GLCE: variants seen among roughly 807,000 people sequenced by gnomAD.
The protein encoded by GLCE is glucuronic acid epimerase.
GLCE carries 19 observed loss-of-function variants against 47.9 expected under a neutral mutation model. That is an observed-to-expected ratio of 0.40 (90% CI 0.28 to 0.58). GLCE has a LOEUF of 0.58. Among genes scored for constraint, GLCE ranks in the 20% least tolerant of loss-of-function variants. The pLI, the probability that GLCE is intolerant of heterozygous loss-of-function variation, is 0.48. For synonymous variants in GLCE, 245 were observed against 263.4 expected (o/e 0.93, Z 0.68); for missense variants, 556 against 743.3 (o/e 0.75, Z 2.93).
rs907313474 is a variant in GLCE at position 69,169,588 on chromosome 15, C to G, written c.-105+8831C>G. 8.3e-5 allele frequency among the ~76,000 whole-genome samples: 12 copies of G among 144,352 alleles called. No individual in the cohort carries two copies. In the South Asian group the frequency reaches 2.8e-3, roughly 33 times the overall value. 94.7% of individuals were successfully genotyped at this position (144,352 alleles called of 152,430 possible). On this transcript the variant is annotated intron_variant, in intron 1 of 4. Coordinates refer to ENST00000261858, the MANE Select transcript of GLCE (RefSeq NM_015554.3). Reference sequence around the variant, plus strand: ...GCCCTTGTGTGTGATGTTCCCCTTCCTGTGTCCAAGTGTTCTCATTGTTCA... The same window carrying G: ...GCCCTTGTGTGTGATGTTCCCCTTCGTGTGTCCAAGTGTTCTCATTGTTCA...
intron 2 of GLCE, among the ~76,000 whole-genome samples, chr15:69,212,383 G>A (rs74894195): frequency 0.012 from 1,757 of 151,878 alleles, 27 homozygotes; most frequent in African/African-American, 0.038. Context: ...TCATAGGAAA[G>A]TTTATACTTT....
At chr15:69,199,522 A>G (rs1432621681) in intron 1 of GLCE, among the ~76,000 whole-genome samples, 1 of 152,192 alleles carries the variant, frequency 6.6e-6, no homozygotes, top group African/African-American at 2.4e-5. Flanking sequence ...CATAGTTTAC[A>G]TGTTGAGGTG....
chr15:69,261,735 A>G (rs1434175564), intron 4 of GLCE, among the ~76,000 whole-genome samples: 9 of 152,164 alleles, frequency 5.9e-5, no homozygotes, highest in African/African-American at 2.2e-4. Flanking sequence ...TTTTTTGCCA[A>G]TAGCTTTTAA....
intron 1 of GLCE, among the ~76,000 whole-genome samples, chr15:69,208,956 A>G (rs548474709): frequency 1.5e-4 from 23 of 152,066 alleles, no homozygotes; most frequent in African/African-American, 5.3e-4. Flanking sequence ...ATTGATGTTG[A>G]CCTTTTCTCC....
chr15:69,188,648 C>T (rs571964935), intron 1 of GLCE, among the ~76,000 whole-genome samples: 1 of 152,212 alleles, frequency 6.6e-6, no homozygotes, highest in African/African-American at 2.4e-5. Context: ...ATTTGTCTTT[C>T]ATGGAATTTG....
chr15:69,184,330 C>T (rs958617163), intron 1 of GLCE, among the ~76,000 whole-genome samples: 3 of 152,248 alleles, frequency 2.0e-5, no homozygotes, highest in African/African-American at 7.2e-5. Context: ...TCCTACCTCC[C>T]ACCAAGTCTC....
At chr15:69,243,853 T>C in intron 2 of GLCE, among the ~76,000 whole-genome samples, 1 of 150,572 alleles carries the variant, frequency 6.6e-6, no homozygotes, top group African/African-American at 2.4e-5. Context: ...TCACCCAGGC[T>C]GGTCTCGAAC....
At chr15:69,238,809 C>A (rs558501961) in intron 2 of GLCE, among the ~76,000 whole-genome samples, 2 of 152,162 alleles carry the variant, frequency 1.3e-5, no homozygotes, top group Admixed American at 6.5e-5. Flanking sequence ...CTGAATAAGG[C>A]ATGTTTGAGT....
At chr15:69,216,300 T>G (rs2052306390) in intron 2 of GLCE, among the ~76,000 whole-genome samples, 1 of 152,148 alleles carries the variant, frequency 6.6e-6, no homozygotes, top group African/African-American at 2.4e-5. Flanking sequence ...GAGTATCAAA[T>G]GGACAAAGAA....
chr15:69,182,840 C>T (rs2051769798), intron 1 of GLCE, among the ~76,000 whole-genome samples: 2 of 151,892 alleles, frequency 1.3e-5, no homozygotes, highest in Non-Finnish European at 2.9e-5. Context: ...ATGGTGAAAC[C>T]CCGTCTCTAC....
intron 2 of GLCE, among the ~76,000 whole-genome samples, chr15:69,230,628 C>G (rs2052509395): frequency 6.6e-6 from 1 of 152,176 alleles, no homozygotes; most frequent in Admixed American, 6.5e-5. Context: ...ATTATTCCTG[C>G]TAACCCTGAT....
chr15:69,193,018 G>A (rs1483140391), intron 1 of GLCE, among the ~76,000 whole-genome samples: 1 of 152,048 alleles, frequency 6.6e-6, no homozygotes, highest in Non-Finnish European at 1.5e-5. Flanking sequence ...GATCCAGTAG[G>A]ACTGCTGTGC....
intron 2 of GLCE, among the ~76,000 whole-genome samples, chr15:69,251,939 C>A (rs1219222301): frequency 6.6e-6 from 1 of 152,134 alleles, no homozygotes; most frequent in Admixed American, 6.5e-5. Context: ...TAGCAATTAG[C>A]AATAATTTTC....
intron 1 of GLCE, among the ~76,000 whole-genome samples, chr15:69,186,172 A>G (rs1386682687): frequency 1.3e-5 from 2 of 152,086 alleles, no homozygotes; most frequent in African/African-American, 4.8e-5. Flanking sequence ...GGGTTTTTAA[A>G]GAAGCCTCAT....
chr15:69,272,004 C>T lies in GLCE; in HGVS notation c.*2760C>T, dbSNP rs6545. The T allele has an allele frequency of 0.52, 78,801 of 152,442 alleles. 23,675 individuals are homozygous for T. The highest frequency in any genetic ancestry group is 0.66 in the Admixed American group (10,045 of 15,270). The allele number at this position is 152,442 out of a possible 1,614,324, so 9.4% of individuals were successfully genotyped here. On this transcript the variant is annotated 3_prime_UTR_variant, in exon 5 of 5. Coordinates refer to ENST00000261858, the MANE Select transcript of GLCE (RefSeq NM_015554.3). ...TATGCAATAAAGTGTTTACAGGATG[C>T]CCTTCTGAAGGGTAGTCCTTTGTAA...
intron 1 of GLCE, among the ~76,000 whole-genome samples, chr15:69,170,528 A>G (rs1009289071): frequency 8.5e-5 from 13 of 152,144 alleles, no homozygotes; most frequent in African/African-American, 3.1e-4. Context: ...ATGTGTGTAT[A>G]TGTATATGTT....
intron 1 of GLCE, among the ~76,000 whole-genome samples, chr15:69,205,865 G>T (rs1459749290): frequency 2.6e-5 from 4 of 152,000 alleles, no homozygotes; most frequent in African/African-American, 9.7e-5. Flanking sequence ...GTATAGAAGA[G>T]TTACAAAGAT....
intron 4 of GLCE, among the ~76,000 whole-genome samples, chr15:69,262,824 C>T (rs2053033148): frequency 6.6e-6 from 1 of 152,110 alleles, no homozygotes; most frequent in South Asian, 2.1e-4. Context: ...TTGGTGGAAG[C>T]GTGCTAGCTG....
chr15:69,268,930 T>C lies in GLCE; in HGVS notation c.1540T>C (p.Tyr514His). 6.2e-7 allele frequency: 1 copy of C among 1,614,188 alleles called. No individual in the cohort carries two copies. The highest frequency in any genetic ancestry group is 8.5e-7 in the Non-Finnish European group (1 of 1,179,982). The change falls in exon 5 of 5, where the codon TAT (tyrosine) becomes CAT (histidine). Residue 514 changes from tyrosine (Y) to histidine (H), a missense_variant. Around this residue, in one of 3 missense-constraint regions of GLCE, gnomAD observed 245 missense variants for 368.1 expected, o/e 0.67. Coordinates refer to ENST00000261858, the MANE Select transcript of GLCE (RefSeq NM_015554.3). ...PSSFVLNGFM[Y>H]SLIGLYDLKE... ...CTCTTTTGTTTTAAATGGCTTTATG[T>C]ATTCTTTAATTGGGCTGTATGACTT...
Sources: allele counts gnomAD v4.1 joint callset (sites outside exome capture counted in the v4.1 genomes callset), GRCh38; gene constraint gnomAD v4.1.1; regional missense constraint gnomAD v4.1.1; transcripts MANE v1.5; gene names NCBI Gene and HGNC (gene_info 2026-07-23, HGNC 2026-07-21).